XPO4: variants seen among roughly 807,000 people sequenced by gnomAD.
The protein encoded by XPO4 is exportin 4.
In XPO4, 39 loss-of-function variants were observed where a neutral mutation model predicts 143.0. That is an observed-to-expected ratio of 0.27 (90% CI 0.21 to 0.36). The LOEUF (loss-of-function observed/expected upper bound fraction) is 0.36. XPO4 is among the 10% of genes least tolerant of loss of function. The pLI is 1.00. For synonymous variants in XPO4, 439 were observed against 474.0 expected (o/e 0.93, Z 0.96); for missense variants, 907 against 1,348.0 (o/e 0.67, Z 5.12).
At chr13:20,902,093 C>T in intron 1 of XPO4, 1 of 985,384 alleles carries the variant, frequency 1.0e-6, no homozygotes. Context: ...AAGTTTTGCC[C>T]CAATGACCTT....
At chr13:20,793,868 C>A (rs757751762) in intron 18 of XPO4, among the ~76,000 whole-genome samples, 5 of 152,108 alleles carry the variant, frequency 3.3e-5, no homozygotes, top group African/African-American at 1.2e-4. Context: ...CAGGGCAAGT[C>A]GTACAGAAAT....
chr13:20,857,277 T>A (rs1259863172), intron 3 of XPO4, among the ~76,000 whole-genome samples: 1 of 152,206 alleles, frequency 6.6e-6, no homozygotes, highest in Non-Finnish European at 1.5e-5. Flanking sequence ...TAGTTTTAAA[T>A]ATCTCTACTG....
At chr13:20,798,415 G>A (rs2059386322) in intron 16 of XPO4, among the ~76,000 whole-genome samples, 1 of 152,106 alleles carries the variant, frequency 6.6e-6, no homozygotes, top group South Asian at 2.1e-4. Context: ...CTTATAGCTT[G>A]GACTTCTAGC....
At chr13:20,823,487 T>G (rs1402072386) in intron 7 of XPO4, among the ~76,000 whole-genome samples, 1 of 152,116 alleles carries the variant, frequency 6.6e-6, no homozygotes, top group Admixed American at 6.5e-5. Flanking sequence ...TGCTATACTC[T>G]TTGGACTAGA....
intron 2 of XPO4, among the ~76,000 whole-genome samples, chr13:20,866,672 A>G (rs1470738591): frequency 2.0e-5 from 3 of 152,220 alleles, no homozygotes; most frequent in Non-Finnish European, 4.4e-5. Flanking sequence ...TTAAATAGTC[A>G]GTGTCTCAAA....
chr13:20,900,663 A>AAG (rs2060612246), intron 1 of XPO4, among the ~76,000 whole-genome samples: 1 of 150,660 alleles, frequency 6.6e-6, no homozygotes, highest in Non-Finnish European at 1.5e-5. Context: ...CCCAGACTGG[A>AAG]GTGCAGCAGC....
chr13:20,818,791 T>C (rs886976803), intron 9 of XPO4, among the ~76,000 whole-genome samples: 2 of 152,142 alleles, frequency 1.3e-5, no homozygotes, highest in African/African-American at 4.8e-5. Context: ...TAATAAATTA[T>C]TGTACACTAT....
chr13:20,799,866 C>T (rs2059409734), intron 15 of XPO4, among the ~76,000 whole-genome samples: 1 of 152,168 alleles, frequency 6.6e-6, no homozygotes, highest in Non-Finnish European at 1.5e-5. Context: ...GCATATTCCA[C>T]ATAAAAGTGT....
intron 12 of XPO4, among the ~76,000 whole-genome samples, 186 bp downstream of exon 12, chr13:20,808,250 T>C (rs137913634): frequency 2.0e-5 from 3 of 152,326 alleles, no homozygotes; most frequent in Non-Finnish European, 4.4e-5. Context: ...TGGTATGCAA[T>C]AGGCACTGCA....
chr13:20,875,561 G>A (rs548949133), intron 1 of XPO4, among the ~76,000 whole-genome samples: 1 of 152,044 alleles, frequency 6.6e-6, no homozygotes, highest in East Asian at 1.9e-4. Context: ...CTCCATAACT[G>A]CCTCTTAAAT....
chr13:20,783,626 C>T lies in XPO4; in HGVS notation c.*96G>A. On this transcript the variant is annotated 3_prime_UTR_variant, in exon 23 of 23. Coordinates refer to ENST00000255305, the MANE Select transcript of XPO4 (RefSeq NM_022459.5). ...CAGGCTCTCCAAAATCCAAAATGGC[C>T]AAATGAACTGAGGAATAGGACAAGA... 7.3e-7 allele frequency: 1 copy of T among 1,372,374 alleles called. No homozygotes were observed. The highest frequency in any genetic ancestry group is 1.0e-6 in the Non-Finnish European group (1 of 975,306). The allele number at this position is 1,372,374 out of a possible 1,614,324, so 85.0% of individuals were successfully genotyped here.
intron 2 of XPO4, chr13:20,868,376 A>G: frequency 1.7e-6 from 1 of 573,072 alleles, no homozygotes; most frequent in South Asian, 3.2e-5. Flanking sequence ...AATTATGAAC[A>G]CTATATCTAG....
intron 9 of XPO4, 71 bp from the exon 10 acceptor site, chr13:20,810,038 T>C (rs1413722517): frequency 1.6e-6 from 2 of 1,250,184 alleles, no homozygotes; most frequent in Non-Finnish European, 2.1e-6. Context: ...GTCATATAAA[T>C]ACATACAAAT....
At chr13:20,894,901 G>A (rs1321743859) in intron 1 of XPO4, among the ~76,000 whole-genome samples, 1 of 151,446 alleles carries the variant, frequency 6.6e-6, no homozygotes, top group East Asian at 1.9e-4. Flanking sequence ...ATTCAGGCTG[G>A]GTGTGGTATC....
At chr13:20,891,051 A>G (rs2060510257) in intron 1 of XPO4, among the ~76,000 whole-genome samples, 1 of 139,682 alleles carries the variant, frequency 7.2e-6, no homozygotes, top group Non-Finnish European at 1.5e-5. Flanking sequence ...CGAGAGGTGG[A>G]GGTTGCTGTA....
rs200624471 is a variant in XPO4 at position 20,884,401 on chromosome 13, A to AATCCG, written c.70-15705_70-15701dup. 2.9e-3 allele frequency among the ~76,000 whole-genome samples: 444 copies of AATCCG among 151,940 alleles called. 2 individuals carry two copies. The highest frequency in any genetic ancestry group is 9.5e-3 in the African/African-American group (394 of 41,418). Reference sequence around the variant, plus strand: ...CTTAAAAATAAATACAATATAATCCAATCCGATCCGATCCGATCCGATCCA... The same window carrying AATCCG: ...CTTAAAAATAAATACAATATAATCCAATCCGATCCGATCCGATCCGATCCGATCCA... On this transcript the variant is annotated intron_variant, in intron 1 of 22. Transcript: ENST00000255305.
chr13:20,891,129 A>T (rs1373011811), intron 1 of XPO4, among the ~76,000 whole-genome samples: 17 of 65,756 alleles, frequency 2.6e-4, no homozygotes, highest in African/African-American at 5.4e-4. Flanking sequence ...ATTTAAAAAA[A>T]AAAAAAAAAA....
intron 1 of XPO4, 94 bp downstream of exon 1, chr13:20,902,576 G>A: frequency 7.2e-7 from 1 of 1,397,280 alleles, no homozygotes; most frequent in South Asian, 1.6e-5. Context: ...GCAGGCCCTT[G>A]CCAGTCGCCA....
At chr13:20,901,258 T>C (rs905365318) in intron 1 of XPO4, among the ~76,000 whole-genome samples, 7 of 152,188 alleles carry the variant, frequency 4.6e-5, no homozygotes, top group Non-Finnish European at 7.3e-5. Flanking sequence ...AAAAGCAGCT[T>C]TGCCAGGGAA....
Sources: allele counts gnomAD v4.1 joint callset (sites outside exome capture counted in the v4.1 genomes callset), GRCh38; gene constraint gnomAD v4.1.1; transcripts MANE v1.5; gene names NCBI Gene and HGNC (gene_info 2026-07-23, HGNC 2026-07-21).